Variants in RBFOX3 observed in about 807,000 individuals in gnomAD.
RBFOX3 encodes the protein RNA binding fox-1 homolog 3, also known as RNA binding protein fox-1 homolog 3.
Under a neutral mutation model 48.7 loss-of-function variants are expected in RBFOX3, and 17 were observed. That is an observed-to-expected ratio of 0.35 (90% CI 0.24 to 0.52). The LOEUF (loss-of-function observed/expected upper bound fraction) is 0.52. Among genes scored for constraint, RBFOX3 ranks in the 20% least tolerant of loss-of-function variants. RBFOX3 has a pLI of 0.94. For missense variants in RBFOX3, 382 were observed against 497.5 expected (o/e 0.77, Z 2.21); for synonymous variants, 212 against 209.5 (o/e 1.01, Z -0.10).
At chr17:79,643,300 T>A in the RBFOX3 span, among the ~76,000 whole-genome samples, 3 of 151,952 alleles carry the variant, frequency 2.0e-5, no homozygotes, top group Admixed American at 2.0e-4. Context: ...AGAGAAGAAC[T>A]TCACAATACA....
At position 79,097,354 on chromosome 17, in the gene RBFOX3, GC is replaced by G; in HGVS notation, c.692del (p.Gly231AlafsTer140). On this transcript the variant is annotated frameshift_variant, in exon 11 of 15. Coordinates refer to ENST00000693108, the MANE Select transcript of RBFOX3 (RefSeq NM_001350451.2). LOFTEE classifies it high-confidence loss of function. The stretch of plus-strand genomic sequence containing the variant: ...CCCGAAATGTATTATACACGGCCCG[GC>G]CCCGGCCCCGAAGATGTGCGCCCCG... ...AYRGAHLRGR[G>X]RAVYNTFRAA... The G allele has an allele frequency of 1.3e-6, 2 of 1,548,804 alleles. No individual in the cohort carries two copies. The highest frequency in any genetic ancestry group is 1.7e-6 in the Non-Finnish European group (2 of 1,146,220).
chr17:79,529,872 GAAC>G (rs1404698840), intron 1 of RBFOX3, among the ~76,000 whole-genome samples: 1 of 152,212 alleles, frequency 6.6e-6, no homozygotes, highest in Admixed American at 6.5e-5. Flanking sequence ...CTGTGCTTGT[GAAC>G]AACATGTTGC....
intron 2 of RBFOX3, among the ~76,000 whole-genome samples, chr17:79,437,757 T>C (rs1169419392): frequency 2.6e-5 from 4 of 152,244 alleles, no homozygotes; most frequent in Admixed American, 1.3e-4. Flanking sequence ...GAAACCTGTG[T>C]CATCTCCCAA....
intron 2 of RBFOX3, among the ~76,000 whole-genome samples, chr17:79,420,754 C>G (rs550709120): frequency 1.3e-5 from 2 of 152,348 alleles, no homozygotes; most frequent in East Asian, 3.9e-4. Context: ...ACAGGAGGGT[C>G]AGGCCTCTGC....
chr17:79,489,883 CCCG>C (rs2080245657), intron 1 of RBFOX3, among the ~76,000 whole-genome samples: 1 of 152,146 alleles, frequency 6.6e-6, no homozygotes, highest in Admixed American at 6.5e-5. Context: ...GCCTCTGTAC[CCCG>C]CAAAACATAA....
intron 4 of RBFOX3, among the ~76,000 whole-genome samples, chr17:79,127,075 C>T (rs921890885): frequency 2.6e-5 from 4 of 152,232 alleles, no homozygotes; most frequent in African/African-American, 7.2e-5. Context: ...ACGACTCCAA[C>T]GCCACATTCA....
chr17:79,195,473 C>T lies in RBFOX3; in HGVS notation c.-34+40293G>A, dbSNP rs556803895. On this transcript the variant is annotated intron_variant, in intron 4 of 14. Transcript: ENST00000693108. This position sits in a 1 kb window ranked among gnomAD's most constrained non-coding sequence, Gnocchi z 5.3. ...GGTCTCTTCTTAGAGTAAGGCCGCA[C>T]GCAAGTCTGTGTGGGCAGGAAGCCT... Among the ~76,000 whole-genome samples the T allele has an allele frequency of 7.9e-5, 12 of 152,194 alleles. No homozygotes were observed. The highest frequency in any genetic ancestry group is 1.3e-4 in the Non-Finnish European group (9 of 68,004).
chr17:79,579,806 G>A (rs1356098774), intron 1 of RBFOX3, among the ~76,000 whole-genome samples: 4 of 145,628 alleles, frequency 2.7e-5, no homozygotes, highest in Non-Finnish European at 4.6e-5. Context: ...GCGCCATGGT[G>A]GGGAGCCACT....
At chr17:79,461,870 C>G (rs548084066) in intron 2 of RBFOX3, among the ~76,000 whole-genome samples, 85 of 152,290 alleles carry the variant, frequency 5.6e-4, no homozygotes, top group African/African-American at 2.0e-3. Context: ...GGCTGAGGAA[C>G]GCCATGGGTG....
intron 1 of RBFOX3, among the ~76,000 whole-genome samples, chr17:79,527,207 G>C (rs1236984154): frequency 6.6e-6 from 1 of 152,262 alleles, no homozygotes; most frequent in Non-Finnish European, 1.5e-5. Flanking sequence ...CTGCACCTGC[G>C]GATGCAGAGC....
In RBFOX3 at chr17:79,480,345, C is replaced by T. The variant is rs2078600343; in HGVS notation, c.-175+2109G>A. ...TCTCCTCCCGGGTCCATGGCAGAGCCAGTGCTCCCAGGGATAGAGTGCGAC... is the reference window on the plus strand; with the variant it reads ...TCTCCTCCCGGGTCCATGGCAGAGCTAGTGCTCCCAGGGATAGAGTGCGAC... On this transcript the variant is annotated intron_variant, in intron 2 of 14. Coordinates refer to ENST00000693108, the MANE Select transcript of RBFOX3 (RefSeq NM_001350451.2). This position sits in a 1 kb window ranked among gnomAD's most constrained non-coding sequence, Gnocchi z 4.8. Among the ~76,000 whole-genome samples, 1 of 152,188 alleles carries T rather than the reference C, an allele frequency of 6.6e-6. No homozygotes were observed. Among genetic ancestry groups the T allele is most frequent in the African/African-American group, 2.4e-5 (1 of 41,446 alleles).
intron 2 of RBFOX3, among the ~76,000 whole-genome samples, chr17:79,460,256 G>A (rs530425072): frequency 2.6e-5 from 4 of 152,140 alleles, no homozygotes; most frequent in African/African-American, 9.6e-5. Flanking sequence ...TTCATGTTAT[G>A]TTATGTACAA....
intron 4 of RBFOX3, among the ~76,000 whole-genome samples, chr17:79,155,229 G>T (rs1247972287): frequency 6.6e-6 from 1 of 152,258 alleles, no homozygotes; most frequent in African/African-American, 2.4e-5. Flanking sequence ...CACAAGGTGG[G>T]GGTGTGGCTG....
At chr17:79,627,465 T>C in the RBFOX3 span, among the ~76,000 whole-genome samples, 1 of 152,194 alleles carries the variant, frequency 6.6e-6, no homozygotes, top group African/African-American at 2.4e-5. Flanking sequence ...GGACCAGGGC[T>C]CGGCTTTCTC....
intron 4 of RBFOX3, among the ~76,000 whole-genome samples, chr17:79,182,113 G>A (rs1221873018): frequency 6.6e-6 from 1 of 152,118 alleles, no homozygotes; most frequent in African/African-American, 2.4e-5. Context: ...CTTGGGGTGG[G>A]CACCCTGTAC....
chr17:79,160,889 A>T (rs528246339), intron 4 of RBFOX3, among the ~76,000 whole-genome samples: 1 of 151,824 alleles, frequency 6.6e-6, no homozygotes, highest in Admixed American at 6.6e-5. Context: ...CTGAGGCAGG[A>T]GAATCACTTG....
chr17:79,167,996 G>A (rs1455214794), intron 4 of RBFOX3, among the ~76,000 whole-genome samples: 2 of 152,252 alleles, frequency 1.3e-5, no homozygotes, highest in Non-Finnish European at 2.9e-5. Flanking sequence ...GGGGCAGTGG[G>A]GGTCCCCGGC....
chr17:79,540,776 T>C (rs373609494), intron 1 of RBFOX3, among the ~76,000 whole-genome samples: 7 of 152,208 alleles, frequency 4.6e-5, no homozygotes, highest in African/African-American at 1.4e-4. Flanking sequence ...TGGAGGTCGA[T>C]GAAATATTCT....
At chr17:79,478,445 G>A (rs377021198) in intron 2 of RBFOX3, among the ~76,000 whole-genome samples, 12 of 152,118 alleles carry the variant, frequency 7.9e-5, no homozygotes, top group Admixed American at 1.3e-4. Context: ...CATGGCATGC[G>A]CGGCAGCACC....
Sources: allele counts gnomAD v4.1 joint callset (sites outside exome capture counted in the v4.1 genomes callset), GRCh38; gene constraint gnomAD v4.1.1; non-coding constraint Gnocchi (gnomAD v3.1); transcripts MANE v1.5; gene names NCBI Gene and HGNC (gene_info 2026-07-23, HGNC 2026-07-21).